Variants in ATXN7L1 observed in about 807,000 individuals in gnomAD.
ATXN7L1 encodes the protein ataxin-7-like protein 1.
A neutral mutation model predicts 70.8 loss-of-function variants in ATXN7L1; 15 were observed. The ratio of observed to expected loss-of-function variants is 0.21; its 90% CI spans 0.14 to 0.33. ATXN7L1 has a LOEUF of 0.33. ATXN7L1 is among the 10% of genes least tolerant of loss of function. The pLI is 1.00. For synonymous variants in ATXN7L1, 440 were observed against 445.1 expected (o/e 0.99, Z 0.14); for missense variants, 975 against 1,097.1 (o/e 0.89, Z 1.57).
intron 3 of ATXN7L1, among the ~76,000 whole-genome samples, chr7:105,704,031 T>TCA (rs2308202): frequency 0.28 from 42,454 of 152,060 alleles, 6,299 homozygotes; most frequent in African/African-American, 0.39. Flanking sequence ...AAGCTGACCC[T>TCA]CACCACATCT....
At chr7:105,799,905 C>A (rs1326270562) in intron 2 of ATXN7L1, among the ~76,000 whole-genome samples, 1 of 152,194 alleles carries the variant, frequency 6.6e-6, no homozygotes. Context: ...ACCACTCCAG[C>A]TGGACTGGCT....
In ATXN7L1 at chr7:105,819,724, G is replaced by T. The variant is rs117052214; in HGVS notation, c.251-31016C>A. The T allele has an allele frequency of 1.2e-5, 10 of 814,572 alleles. No individual in the cohort carries two copies. The East Asian group carries it at 2.8e-4, about 23-fold the overall frequency. The allele number at this position is 814,572 out of a possible 1,614,324, so 50.5% of individuals were successfully genotyped here. ...CCCTACCACTTCCGGGCCTCTAGCCGCACCTTCCGGCTGACCTCGAGGCAT... is the reference window on the plus strand; with the variant it reads ...CCCTACCACTTCCGGGCCTCTAGCCTCACCTTCCGGCTGACCTCGAGGCAT... On this transcript the variant is annotated intron_variant, in intron 2 of 11. Transcript: ENST00000419735.
intron 4 of ATXN7L1, among the ~76,000 whole-genome samples, chr7:105,645,670 A>G (rs1798889205): frequency 1.3e-5 from 2 of 150,070 alleles, no homozygotes; most frequent in South Asian, 4.2e-4. Context: ...AAAATTAGCC[A>G]GGCGTGGCAG....
At chr7:105,770,723 A>C (rs1801867150) in intron 3 of ATXN7L1, among the ~76,000 whole-genome samples, 1 of 152,218 alleles carries the variant, frequency 6.6e-6, no homozygotes, top group East Asian at 1.9e-4. Flanking sequence ...TTAGAATTAA[A>C]ATAATCCTGA....
intron 3 of ATXN7L1, among the ~76,000 whole-genome samples, chr7:105,756,037 G>A (rs770485250): frequency 2.6e-5 from 4 of 152,116 alleles, no homozygotes; most frequent in East Asian, 1.9e-4. Context: ...CATCACCCAC[G>A]CGTGTATCGT....
chr7:105,863,703 C>G (rs531195296), intron 2 of ATXN7L1, among the ~76,000 whole-genome samples: 1 of 152,176 alleles, frequency 6.6e-6, no homozygotes, highest in Non-Finnish European at 1.5e-5. Context: ...CACTTGACCT[C>G]TCTGAGCCTC....
intron 2 of ATXN7L1, among the ~76,000 whole-genome samples, chr7:105,862,001 G>T (rs1013463862): frequency 1.3e-5 from 2 of 152,278 alleles, no homozygotes; most frequent in South Asian, 2.1e-4. Flanking sequence ...TCTGGGTCCT[G>T]CCCCGCTTCT....
chr7:105,830,834 C>T (rs955764186), intron 2 of ATXN7L1, among the ~76,000 whole-genome samples: 4 of 152,180 alleles, frequency 2.6e-5, no homozygotes, highest in African/African-American at 9.7e-5. Flanking sequence ...CCTGGGACCC[C>T]AGCTGCAAAG....
chr7:105,702,772 C>A (rs1267783252), intron 3 of ATXN7L1, among the ~76,000 whole-genome samples: 2 of 151,628 alleles, frequency 1.3e-5, no homozygotes, highest in African/African-American at 4.9e-5. Flanking sequence ...CCGAGGTCTG[C>A]AGTTTAAGAC....
At chr7:105,722,386 ACT>A (rs1795284937) in intron 3 of ATXN7L1, among the ~76,000 whole-genome samples, 1 of 151,666 alleles carries the variant, frequency 6.6e-6, no homozygotes, top group Non-Finnish European at 1.5e-5. Context: ...ACATGATGAA[ACT>A]CTGTCTGTAC....
chr7:105,754,070 A>G (rs1799506954), intron 3 of ATXN7L1, among the ~76,000 whole-genome samples: 1 of 152,102 alleles, frequency 6.6e-6, no homozygotes, highest in Admixed American at 6.5e-5. Flanking sequence ...AAATTAGACA[A>G]TCTGTGGGAA....
intron 11 of ATXN7L1, among the ~76,000 whole-genome samples, chr7:105,608,366 C>T (rs1792869160): frequency 6.6e-6 from 1 of 152,192 alleles, no homozygotes; most frequent in African/African-American, 2.4e-5. Context: ...CATCTGTAAT[C>T]ATCTTGTCCC....
At chr7:105,738,767 C>T (rs1563053874) in intron 3 of ATXN7L1, among the ~76,000 whole-genome samples, 1 of 152,198 alleles carries the variant, frequency 6.6e-6, no homozygotes, top group Non-Finnish European at 1.5e-5. Flanking sequence ...CTTACTACAC[C>T]TACCAGACAA....
rs74884609 is a variant in ATXN7L1 at position 105,647,862 on chromosome 7, G to A, written c.579-4741C>T. On this transcript the variant is annotated intron_variant, in intron 4 of 11. Coordinates refer to ENST00000419735, the MANE Select transcript of ATXN7L1 (RefSeq NM_020725.2). The stretch of plus-strand genomic sequence containing the variant: ...ACTGTGTGTAACTGAGCTTGGGCCA[G>A]GCCAGCTAATGTCTGTGACTGTCTC... Among the ~76,000 whole-genome samples the A allele has an allele frequency of 1.8e-4, 27 of 152,296 alleles. 1 individual carries two copies. The East Asian group carries it at 5.0e-3, about 28-fold the overall frequency.
rs557034864 is a variant in ATXN7L1, at chr7:105,842,305, A to G, written c.250+33507T>C. Among the ~76,000 whole-genome samples, 3 of 152,172 alleles carry G rather than the reference A, an allele frequency of 2.0e-5. No homozygotes were observed. The South Asian group carries it at 6.2e-4, about 32-fold the overall frequency. ...CAATGTGTAATCCTCAATGGTGTGT[A>G]GCTACTACCACTATCTAATATGAGA... On this transcript the variant is annotated intron_variant, in intron 2 of 11. Coordinates refer to ENST00000419735, the MANE Select transcript of ATXN7L1 (RefSeq NM_020725.2).
intron 3 of ATXN7L1, among the ~76,000 whole-genome samples, chr7:105,779,106 T>C (rs1482103435): frequency 2.0e-5 from 3 of 152,246 alleles, no homozygotes; most frequent in South Asian, 2.1e-4. Context: ...ACAAAACATA[T>C]AACTGATGTA....
intron 2 of ATXN7L1, among the ~76,000 whole-genome samples, chr7:105,852,926 A>C (rs1401724351): frequency 6.6e-6 from 1 of 152,130 alleles, no homozygotes; most frequent in Non-Finnish European, 1.5e-5. Flanking sequence ...TGGAAACATT[A>C]CGCTCAGTGA....
intron 2 of ATXN7L1, among the ~76,000 whole-genome samples, chr7:105,823,773 G>A (rs965619423): frequency 6.6e-6 from 1 of 152,230 alleles, no homozygotes; most frequent in African/African-American, 2.4e-5. Context: ...AGGAGTGATT[G>A]CTGACTGGGC....
At chr7:105,805,021 C>T (rs1178036152) in intron 2 of ATXN7L1, among the ~76,000 whole-genome samples, 1 of 152,146 alleles carries the variant, frequency 6.6e-6, no homozygotes, top group Non-Finnish European at 1.5e-5. Flanking sequence ...TGTCCAAGAA[C>T]CAATAAAGAA....
Sources: gnomAD v4.1 joint callset for allele counts (sites outside exome capture counted in the v4.1 genomes callset) on GRCh38, gnomAD v4.1.1 for gene constraint, MANE v1.5 for transcripts, NCBI Gene and HGNC (gene_info 2026-07-23, HGNC 2026-07-21) for gene names.